Variants in SYT16 observed in about 807,000 individuals in gnomAD.
SYT16 encodes synaptotagmin 16.
Under a neutral mutation model 61.4 loss-of-function variants are expected in SYT16, and 42 were observed. That is an observed-to-expected ratio of 0.68 (90% CI 0.53 to 0.89). SYT16 has a LOEUF of 0.89. Ranked by LOEUF, SYT16 falls within the 40% of genes least tolerant of loss-of-function variation. The probability of loss-of-function intolerance (pLI) is 0.00; values close to 1 mark genes in which losing one functional copy is unlikely to be tolerated. For synonymous variants in SYT16, 314 were observed against 302.3 expected (o/e 1.04, Z -0.40); for missense variants, 804 against 807.3 (o/e 1.00, Z 0.05).
At chr14:61,981,266 C>G (rs1566735811) in intron 2 of SYT16, among the ~76,000 whole-genome samples, 1 of 152,170 alleles carries the variant, frequency 6.6e-6, no homozygotes, top group Non-Finnish European at 1.5e-5. Context: ...AATATTCTCA[C>G]AGAAACATCC....
intron 3 of SYT16, among the ~76,000 whole-genome samples, chr14:62,062,358 G>A (rs1409435606): frequency 1.3e-5 from 2 of 152,170 alleles, no homozygotes; most frequent in Non-Finnish European, 2.9e-5. Context: ...AACTTAATGT[G>A]TCAGAGTCTT....
intron 1 of SYT16, among the ~76,000 whole-genome samples, chr14:61,847,424 A>G (rs1054591680): frequency 1.3e-5 from 2 of 152,090 alleles, no homozygotes; most frequent in Non-Finnish European, 2.9e-5. Flanking sequence ...TGCCTGATGT[A>G]TTGGAGCCCC....
intron 2 of SYT16, among the ~76,000 whole-genome samples, chr14:61,973,615 G>T (rs778375290): frequency 1.3e-5 from 2 of 152,118 alleles, no homozygotes; most frequent in African/African-American, 2.4e-5. Context: ...TTGAGAGAAG[G>T]CGGGAGAGAG....
chr14:62,044,162 T>G (rs2054864124), intron 3 of SYT16, among the ~76,000 whole-genome samples: 1 of 150,120 alleles, frequency 6.7e-6, no homozygotes, highest in East Asian at 2.0e-4. Context: ...ATTGTACCAC[T>G]GCACTCCAGC....
chr14:61,983,768 T>A (rs1050596130), intron 2 of SYT16, among the ~76,000 whole-genome samples: 3 of 152,076 alleles, frequency 2.0e-5, no homozygotes, highest in East Asian at 3.9e-4. Context: ...CCTCAAGGAG[T>A]CCTCCTACGT....
chr14:62,036,670 G>A (rs544262445), intron 3 of SYT16, among the ~76,000 whole-genome samples: 2 of 152,286 alleles, frequency 1.3e-5, no homozygotes, highest in African/African-American at 2.4e-5. Context: ...TGGCAGGCAA[G>A]AGAGCCTGTG....
intron 1 of SYT16, among the ~76,000 whole-genome samples, chr14:61,920,899 G>A (rs2049310215): frequency 6.6e-6 from 1 of 152,172 alleles, no homozygotes; most frequent in African/African-American, 2.4e-5. Flanking sequence ...AGAGCAGTAA[G>A]TGGTAGAACC....
intron 2 of SYT16, among the ~76,000 whole-genome samples, chr14:61,978,974 CTTTTAGAAGT>C (rs1195331299): frequency 1.3e-5 from 2 of 152,180 alleles, no homozygotes; most frequent in Non-Finnish European, 2.9e-5. Context: ...GATTTCGAGA[CTTTTAGAAGT>C]TTTTGGTGAA....
intron 1 of SYT16, among the ~76,000 whole-genome samples, chr14:61,893,174 C>T (rs1020930089): frequency 2.6e-5 from 4 of 152,182 alleles, no homozygotes; most frequent in Admixed American, 1.3e-4. Context: ...TTCTTATGTG[C>T]CCAGAAAGAA....
chr14:61,926,606 T>C (rs924084484), intron 1 of SYT16, among the ~76,000 whole-genome samples: 1 of 152,228 alleles, frequency 6.6e-6, no homozygotes, highest in African/African-American at 2.4e-5. Context: ...AAAGAGATAC[T>C]GCTTTTCTGT....
intron 1 of SYT16, among the ~76,000 whole-genome samples, chr14:61,952,595 A>T (rs1011381431): frequency 6.6e-6 from 1 of 152,230 alleles, no homozygotes; most frequent in African/African-American, 2.4e-5. Context: ...TTCTCAGAAG[A>T]TGATGGACTT....
chr14:61,846,376 C>T (rs1192838509), intron 1 of SYT16, among the ~76,000 whole-genome samples: 4 of 152,098 alleles, frequency 2.6e-5, no homozygotes, highest in Admixed American at 2.6e-4. Flanking sequence ...TTGTTATATC[C>T]TCCTGCTGAA....
rs115551063 is a variant in SYT16 at position 61,887,840 on chromosome 14, T to G, written c.-325+75030T>G. ...ATCTTCTATCCAGACCACTAAAACATTCTTCATATCAGCAGTAAGGCTGTT... is the reference window on the plus strand; with the variant it reads ...ATCTTCTATCCAGACCACTAAAACAGTCTTCATATCAGCAGTAAGGCTGTT... On this transcript the variant is annotated intron_variant, in intron 1 of 7. Transcript: ENST00000683842. Among the ~76,000 whole-genome samples the G allele has an allele frequency of 5.2e-3, 790 of 152,326 alleles. 6 individuals are homozygous for G. The highest frequency in any genetic ancestry group is 0.018 in the African/African-American group (743 of 41,574).
chr14:61,898,219 G>C (rs1179297592), intron 1 of SYT16, among the ~76,000 whole-genome samples: 2 of 152,096 alleles, frequency 1.3e-5, no homozygotes, highest in Non-Finnish European at 2.9e-5. Flanking sequence ...CTCTATAATT[G>C]AATTCTTCCC....
At chr14:61,969,502 T>C (rs2051455577) in intron 1 of SYT16, among the ~76,000 whole-genome samples, 1 of 152,164 alleles carries the variant, frequency 6.6e-6, no homozygotes, top group South Asian at 2.1e-4. Context: ...AGAAATGGAA[T>C]TTCATCTGCC....
rs911573054 is a variant in SYT16, at chr14:62,112,249, G to T, written c.*11542G>T. On this transcript the variant is annotated 3_prime_UTR_variant, in exon 8 of 8. Transcript: ENST00000683842. ...ACAAGGAATAAATTCATGATTAGAAGAATTATACTGTTTTTCTTGTGCAAA... is the reference window on the plus strand; with the variant it reads ...ACAAGGAATAAATTCATGATTAGAATAATTATACTGTTTTTCTTGTGCAAA... 7.2e-5 allele frequency: 11 copies of T among 152,056 alleles called. No homozygotes were observed. The highest frequency in any genetic ancestry group is 2.9e-5 in the Non-Finnish European group (2 of 67,960). 9.4% of individuals were successfully genotyped at this position (152,056 alleles called of 1,614,324 possible). A position where few individuals can be genotyped will look rare whatever the true frequency, so the allele number is the denominator to read the frequency against.
chr14:62,082,066 G>A (rs1358914499), intron 6 of SYT16, among the ~76,000 whole-genome samples: 1 of 152,160 alleles, frequency 6.6e-6, no homozygotes, highest in Non-Finnish European at 1.5e-5. Flanking sequence ...TTGTTTAGAG[G>A]ATCAGAGAAA....
At chr14:61,922,184 A>G (rs890744211) in intron 1 of SYT16, among the ~76,000 whole-genome samples, 1 of 152,226 alleles carries the variant, frequency 6.6e-6, no homozygotes, top group Admixed American at 6.5e-5. Flanking sequence ...ATTACTGGGT[A>G]TATACCCAAA....
chr14:61,893,357 T>C (rs217669), intron 1 of SYT16, among the ~76,000 whole-genome samples: 47,351 of 152,020 alleles, frequency 0.31, 7,928 homozygotes, highest in African/African-American at 0.43. Flanking sequence ...TTCTTTGATT[T>C]TAGATATTGT....
Sources: allele counts gnomAD v4.1 joint callset (sites outside exome capture counted in the v4.1 genomes callset), GRCh38; gene constraint gnomAD v4.1.1; transcripts MANE v1.5; gene names NCBI Gene and HGNC (gene_info 2026-07-23, HGNC 2026-07-21).